The following DKK3 variants were observed in gnomAD, a reference collection of about 807,000 sequenced individuals.
DKK3 encodes dickkopf Wnt signaling pathway inhibitor 3, also known as dickkopf-related protein 3.
Under a neutral mutation model 33.2 loss-of-function variants are expected in DKK3, and 22 were observed. The ratio of observed to expected loss-of-function variants is 0.66; its 90% confidence interval spans 0.47 to 0.95. The LOEUF (loss-of-function observed/expected upper bound fraction) is 0.95. DKK3 is among the 40% of genes least tolerant of loss of function. DKK3 has a pLI of 0.00. For synonymous variants in DKK3, 194 were observed against 188.8 expected, an observed-to-expected ratio of 1.03 and a Z score of -0.23; for missense variants, 398 against 458.4, an observed-to-expected ratio of 0.87 and a Z score of 1.20.
chr11:11,983,156 T>C (rs1238054886), intron 3 of DKK3, among the ~76,000 whole-genome samples: 1 of 152,188 alleles, frequency 6.6e-6, no homozygotes, highest in Non-Finnish European at 1.5e-5. Flanking sequence ...ACTCAATTGG[T>C]TTCTTGTTTG....
At chr11:11,977,274 C>T (rs1422197343) in intron 3 of DKK3, among the ~76,000 whole-genome samples, 3 of 152,082 alleles carry the variant, frequency 2.0e-5, no homozygotes, top group East Asian at 3.9e-4. Context: ...TCTCTCTCCT[C>T]CTATCCTCCC....
rs1405302725 is a variant in DKK3, at chr11:12,002,544, A to C, written c.214-107T>G. ...TCCTCTTCTGCAATTACAAAGAATG[A>C]TGATGATGATAGGTGCTATTAATTG... On this transcript the variant is annotated intron_variant, in intron 1 of 6. Coordinates refer to ENST00000683431, the MANE Select transcript of DKK3 (RefSeq NM_001018057.2). 2.5e-6 allele frequency: 3 copies of C among 1,212,884 alleles called. No homozygotes were observed. In the East Asian group the frequency reaches 7.2e-5, roughly 29 times the overall value. The allele number at this position is 1,212,884 out of a possible 1,614,324, so 75.1% of individuals were successfully genotyped here. A position where few individuals can be genotyped will look rare whatever the true frequency, so the allele number is the denominator to read the frequency against.
chr11:11,998,551 T>G, intron 3 of DKK3, 145 bp downstream of exon 3: 1 of 745,728 alleles, frequency 1.3e-6, no homozygotes, highest in Non-Finnish European at 2.4e-6. Flanking sequence ...GTCAGAAATG[T>G]AGGAATTGAG....
At chr11:11,995,107 G>C (rs944077978) in intron 3 of DKK3, among the ~76,000 whole-genome samples, 1 of 152,060 alleles carries the variant, frequency 6.6e-6, no homozygotes, top group Non-Finnish European at 1.5e-5. Context: ...CTAGAGACAG[G>C]GTATTCCTGT....
Position 11,966,993 on chromosome 11 carries a change from T to A in DKK3, c.634A>T (p.Arg212Trp), listed in dbSNP as rs145464561. Residue 212 changes from arginine to tryptophan, a missense_variant, in exon 5 of 7, where the codon AGG becomes TGG. Transcript: ENST00000683431. ...GSNGTICDNQRDCQPGLCCAF... is the reference protein window; with the variant it reads ...GSNGTICDNQWDCQPGLCCAF... The stretch of plus-strand genomic sequence containing the variant: ...CAGCACAGCCCCGGCTGGCAGTCCC[T>A]CTGGTTGTCACAGATGGTCCCATTG... 7 of 1,613,950 alleles carry A rather than the reference T, an allele frequency of 4.3e-6. No individual in the cohort carries two copies. Among genetic ancestry groups the A allele is most frequent in the Non-Finnish European group, 5.9e-6 (7 of 1,180,002 alleles).
chr11:11,988,831 G>A (rs1326408120), intron 3 of DKK3, among the ~76,000 whole-genome samples: 1 of 152,226 alleles, frequency 6.6e-6, no homozygotes, highest in Non-Finnish European at 1.5e-5. Context: ...TTTTCAGCAT[G>A]TTGGCTACAG....
intron 5 of DKK3, 42 bp from the exon 6 acceptor site, chr11:11,966,007 G>A (rs781184289): frequency 2.5e-6 from 4 of 1,570,886 alleles, no homozygotes; most frequent in Admixed American, 3.7e-5. Flanking sequence ...CCCGTGTAGG[G>A]TAGAAGGGCT....
intron 3 of DKK3, among the ~76,000 whole-genome samples, chr11:11,986,261 C>T (rs1848068936): frequency 1.3e-5 from 2 of 152,166 alleles, no homozygotes; most frequent in African/African-American, 4.8e-5. Context: ...TTCCCTGTGG[C>T]TGTATTTTCC....
At chr11:11,999,006 T>A (rs1475392608) in intron 2 of DKK3, among the ~76,000 whole-genome samples, 2 of 152,116 alleles carry the variant, frequency 1.3e-5, no homozygotes, top group African/African-American at 2.4e-5. Flanking sequence ...ATAGGGTTGC[T>A]ATGAGGAGGA....
chr11:11,970,960 A>T (rs1847711683), intron 3 of DKK3, among the ~76,000 whole-genome samples: 1 of 152,260 alleles, frequency 6.6e-6, no homozygotes, highest in Non-Finnish European at 1.5e-5. Context: ...ATAGGAAACT[A>T]ATAAAATATT....
intron 3 of DKK3, among the ~76,000 whole-genome samples, chr11:11,972,601 T>C (rs1236895228): frequency 6.6e-6 from 1 of 152,196 alleles, no homozygotes; most frequent in Non-Finnish European, 1.5e-5. Context: ...CCAGTGTTTG[T>C]TAGACCTGAG....
In DKK3 at chr11:12,008,530, G is replaced by A; in HGVS notation, c.53C>T (p.Pro18Leu). The change falls in exon 1 of 7, where the codon CCC becomes CTC. Residue 18 changes from proline to leucine, a missense_variant. Physicochemically the swap from Pro to Leu is moderately conservative, Grantham distance 98. Coordinates refer to ENST00000683431, the MANE Select transcript of DKK3 (RefSeq NM_001018057.2). This position sits in a 1 kb window ranked among gnomAD's most constrained non-coding sequence, Gnocchi z 4.6. ...LLCLLLAAAV[P>L]TAPAPAPTAT... is the part of the protein sequence containing the mutation. ...CGTCGGAGCGGGCGCGGGGGCCGTG[G>A]GGACCGCCGCCGCCAGCAGCAGGCA... 1 of 1,563,304 alleles carries A rather than the reference G, an allele frequency of 6.4e-7. No individual in the cohort carries two copies. The highest frequency in any genetic ancestry group is 8.6e-7 in the Non-Finnish European group (1 of 1,161,894).
chr11:11,996,455 G>A (rs1157548184), intron 3 of DKK3, among the ~76,000 whole-genome samples: 2 of 152,156 alleles, frequency 1.3e-5, no homozygotes, highest in African/African-American at 4.8e-5. Context: ...GCAAGCCACT[G>A]CGACAATGAG....
upstream of DKK3, chr11:12,009,593 C>G (rs1015176938): frequency 2.0e-6 from 2 of 985,844 alleles, no homozygotes; most frequent in Non-Finnish European, 2.4e-6. Flanking sequence ...AGGCTTGCAA[C>G]AGCCCACCGA....
At chr11:11,978,664 C>G (rs1478812356) in intron 3 of DKK3, among the ~76,000 whole-genome samples, 1 of 152,100 alleles carries the variant, frequency 6.6e-6, no homozygotes, top group Non-Finnish European at 1.5e-5. Flanking sequence ...TAGGTGTGAG[C>G]AACCATGCTC....
rs1447715894 is a variant in DKK3, at chr11:12,008,595, C to T, written c.-13G>A. On this transcript the variant is annotated 5_prime_UTR_variant, in exon 1 of 7. Coordinates refer to ENST00000683431, the MANE Select transcript of DKK3 (RefSeq NM_001018057.2). This position sits in a 1 kb window ranked among gnomAD's most constrained non-coding sequence, Gnocchi z 4.6. ...CAAGCCGCTGCATCTCCGCTCTGCG[C>T]CCGCAGCCGCCGCCTGTGTGTCCCG... 2 of 1,389,448 alleles carry T rather than the reference C, an allele frequency of 1.4e-6. No homozygotes were observed. The allele number at this position is 1,389,448 out of a possible 1,614,324, so 86.1% of individuals were successfully genotyped here.
Position 11,964,648 on chromosome 11 carries a change from C to T in DKK3, c.869G>A (p.Gly290Glu). 1 of 1,614,120 alleles carries T rather than the reference C, an allele frequency of 6.2e-7. No homozygotes were observed. The highest frequency in any genetic ancestry group is 8.5e-7 in the Non-Finnish European group (1 of 1,180,018). The part of the protein sequence containing the change: ...LVYVCKPTFV[G>E]SRDQDGEILL... ...GATCTCCCCATCTTGGTCACGGCTC[C>T]CCACGAAGGTCGGCTTGCACACATA... The change falls in exon 7 of 7, where the codon GGG becomes GAG. Residue 290 changes from glycine to glutamate, a missense_variant. Coordinates refer to ENST00000683431, the MANE Select transcript of DKK3 (RefSeq NM_001018057.2).
At chr11:11,985,282 C>T (rs1848046318) in intron 3 of DKK3, among the ~76,000 whole-genome samples, 1 of 152,220 alleles carries the variant, frequency 6.6e-6, no homozygotes, top group African/African-American at 2.4e-5. Flanking sequence ...TGCCCCGGCT[C>T]TCCAAGCCAA....
At chr11:11,985,113 T>C (rs887555248) in intron 3 of DKK3, among the ~76,000 whole-genome samples, 1 of 152,152 alleles carries the variant, frequency 6.6e-6, no homozygotes, top group Non-Finnish European at 1.5e-5. Context: ...GAGGAGGCCA[T>C]GTGCAGATGG....
Sources: gnomAD v4.1 joint callset for allele counts (sites outside exome capture counted in the v4.1 genomes callset) on GRCh38, gnomAD v4.1.1 for gene constraint, Gnocchi (gnomAD v3.1) non-coding constraint, MANE v1.5 for transcripts, NCBI Gene and HGNC (gene_info 2026-07-23, HGNC 2026-07-21) for gene names.